KIAA0319L: variants seen among roughly 807,000 people sequenced by gnomAD.
The protein encoded by KIAA0319L is KIAA0319 like.
Under a neutral mutation model 120.1 loss-of-function variants are expected in KIAA0319L, and 55 were observed. The ratio of observed to expected loss-of-function variants is 0.46; its 90% CI spans 0.37 to 0.57. The LOEUF (loss-of-function observed/expected upper bound fraction) is 0.57. Ranked by LOEUF, KIAA0319L falls within the 20% of genes least tolerant of loss-of-function variation. The pLI is 0.00. For missense variants in KIAA0319L, 1,049 were observed against 1,255.3 expected (o/e 0.84, Z 2.48); for synonymous variants, 398 against 471.9 (o/e 0.84, Z 2.03).
chr1:35,527,091 T>G (rs1646176959), intron 2 of KIAA0319L, among the ~76,000 whole-genome samples: 1 of 152,150 alleles, frequency 6.6e-6, no homozygotes, highest in Non-Finnish European at 1.5e-5. Context: ...AAAGCATTTG[T>G]GGAAACAAAG....
At chr1:35,449,099 G>T (rs951939727) in intron 15 of KIAA0319L, among the ~76,000 whole-genome samples, 1 of 152,184 alleles carries the variant, frequency 6.6e-6, no homozygotes, top group African/African-American at 2.4e-5. Context: ...ACACCAAAGA[G>T]ATTTTATAGT....
intron 3 of KIAA0319L, among the ~76,000 whole-genome samples, chr1:35,495,523 G>A (rs1235200812): frequency 6.6e-6 from 1 of 152,144 alleles, no homozygotes; most frequent in Non-Finnish European, 1.5e-5. Flanking sequence ...ACTGCTAAGA[G>A]AATGAAAAGA....
intron 4 of KIAA0319L, 68 bp downstream of exon 4, chr1:35,478,898 T>A (rs998638376): frequency 1.9e-6 from 3 of 1,548,058 alleles, no homozygotes; most frequent in African/African-American, 1.4e-5. Context: ...CCTTCTTTCC[T>A]CTAAAAGGGA....
chr1:35,467,221 G>A (rs567711209), intron 6 of KIAA0319L, among the ~76,000 whole-genome samples: 2 of 151,852 alleles, frequency 1.3e-5, no homozygotes, highest in South Asian at 2.1e-4. Context: ...TTAAGGGCCC[G>A]AATATCCCAC....
intron 12 of KIAA0319L, 53 bp from the exon 13 acceptor site, chr1:35,451,829 TC>T: frequency 6.3e-7 from 1 of 1,575,526 alleles, no homozygotes; most frequent in Non-Finnish European, 8.7e-7. Flanking sequence ...TGCTGTCCTG[TC>T]CCTAACTTAG....
At chr1:35,540,933 A>C (rs148180385) in intron 2 of KIAA0319L, among the ~76,000 whole-genome samples, 1 of 151,954 alleles carries the variant, frequency 6.6e-6, no homozygotes, top group African/African-American at 2.4e-5. Context: ...TTGCTCACCA[A>C]TGTATTAATT....
chr1:35,477,406 G>A (rs932056570), intron 4 of KIAA0319L, among the ~76,000 whole-genome samples: 1 of 152,124 alleles, frequency 6.6e-6, no homozygotes, highest in African/African-American at 2.4e-5. Flanking sequence ...GGTGGCTCAC[G>A]CCTGTAATCC....
Position 35,460,323 on chromosome 1 carries a change from G to T in KIAA0319L, c.1409C>A (p.Pro470His). The change falls in exon 9 of 21, where the codon CCT becomes CAT. Residue 470 changes from proline to histidine, a missense_variant. Physicochemically the swap from Pro to His is moderately conservative, Grantham distance 77. Coordinates refer to ENST00000325722, the MANE Select transcript of KIAA0319L (RefSeq NM_024874.5). ...TAILKLSKLV[P>H]GNYTFSLTVV... ...AATTTACCTGAAAGTGTAGTTCCCA[G>T]GGACGAGTTTACTTAGTTTTAATAT... is the stretch of plus-strand genomic sequence containing the variant. 6.2e-7 allele frequency: 1 copy of T among 1,612,522 alleles called. No individual in the cohort carries two copies. Among genetic ancestry groups the T allele is most frequent in the Non-Finnish European group, 8.5e-7 (1 of 1,179,470 alleles).
intron 4 of KIAA0319L, among the ~76,000 whole-genome samples, chr1:35,476,448 C>A (rs927534173): frequency 8.5e-5 from 13 of 152,230 alleles, no homozygotes; most frequent in African/African-American, 2.9e-4. Flanking sequence ...GCCTGGGAGG[C>A]GAGAAGGGCT....
intron 3 of KIAA0319L, among the ~76,000 whole-genome samples, chr1:35,491,094 T>A (rs976009707): frequency 1.3e-5 from 2 of 152,180 alleles, no homozygotes; most frequent in African/African-American, 2.4e-5. Context: ...AACAGACTAA[T>A]GCAATACTGT....
At position 35,508,402 on chromosome 1, in the gene KIAA0319L, G is replaced by T. The variant is rs565143382; in HGVS notation, c.143-1267C>A. On this transcript the variant is annotated intron_variant, in intron 2 of 20. Coordinates refer to ENST00000325722, the MANE Select transcript of KIAA0319L (RefSeq NM_024874.5). The stretch of plus-strand genomic sequence containing the variant: ...CTCTAACGAAAGCAACTGACAATCA[G>T]CCAAAGCCAATCTGACTCCCACGGA... Among the ~76,000 whole-genome samples, 4 of 152,234 alleles carry T rather than the reference G, an allele frequency of 2.6e-5. No homozygotes were observed. The South Asian group carries it at 8.3e-4, about 32-fold the overall frequency.
intron 3 of KIAA0319L, among the ~76,000 whole-genome samples, chr1:35,492,395 T>A (rs6670212): frequency 0.017 from 2,518 of 152,112 alleles, 69 homozygotes; most frequent in African/African-American, 0.057. Flanking sequence ...GCGCCTGTAG[T>A]CCCAGCTACT....
Position 35,476,300 on chromosome 1 carries a change from A to T in KIAA0319L, c.914-1394T>A, listed in dbSNP as rs141623368. Among the ~76,000 whole-genome samples the T allele has an allele frequency of 2.0e-5, 3 of 152,276 alleles. No homozygotes were observed. The East Asian group carries it at 5.8e-4, about 29-fold the overall frequency. ...TCAGTAGCATCACTCCCCTCCCCCA[A>T]CTAAAAATGTTTGCAGACCACTGAA... On this transcript the variant is annotated intron_variant, in intron 4 of 20. Transcript: ENST00000325722.
intron 3 of KIAA0319L, among the ~76,000 whole-genome samples, chr1:35,494,461 A>C (rs1445500040): frequency 6.6e-6 from 1 of 151,904 alleles, no homozygotes; most frequent in Non-Finnish European, 1.5e-5. Context: ...AAAATAAATA[A>C]ATAAAAATAA....
intron 9 of KIAA0319L, among the ~76,000 whole-genome samples, chr1:35,458,644 C>T (rs1177565986): frequency 6.6e-6 from 1 of 152,138 alleles, no homozygotes; most frequent in African/African-American, 2.4e-5. Flanking sequence ...GCCAAAATTT[C>T]CTAATCTGTA....
chr1:35,452,083 A>C (rs1642106532), intron 12 of KIAA0319L, among the ~76,000 whole-genome samples: 1 of 152,240 alleles, frequency 6.6e-6, no homozygotes. Flanking sequence ...TCTCTGAGCA[A>C]GTCTCTGATC....
chr1:35,479,249 G>T (rs1010976295), intron 3 of KIAA0319L, 37 bp from the exon 4 acceptor site: 2 of 1,566,018 alleles, frequency 1.3e-6, no homozygotes, highest in Admixed American at 3.5e-5. Flanking sequence ...GTAGGTAAAA[G>T]TTACATAATT....
chr1:35,466,655 C>T lies in KIAA0319L; in HGVS notation c.1154G>A (p.Gly385Asp), dbSNP rs1401080876. ...ATAGCCTTCCCCATGGGCATTTTGACCCTCTACAATCACTTTGAATTCATA... is the reference window on the plus strand; with the variant it reads ...ATAGCCTTCCCCATGGGCATTTTGATCCTCTACAATCACTTTGAATTCATA... ...GLYEFKVIVE[G>D]QNAHGEGYVN... The change falls in exon 7 of 21, where the codon GGT becomes GAT. Residue 385 changes from glycine to aspartate, a missense_variant. Transcript: ENST00000325722. 1 of 1,613,742 alleles carries T rather than the reference C, an allele frequency of 6.2e-7. No homozygotes were observed. The highest frequency in any genetic ancestry group is 1.7e-5 in the Admixed American group (1 of 60,022).
intron 20 of KIAA0319L, among the ~76,000 whole-genome samples, chr1:35,436,966 T>A (rs74731294): frequency 6.6e-6 from 1 of 152,204 alleles, no homozygotes; most frequent in Non-Finnish European, 1.5e-5. Flanking sequence ...CTAGTGACTC[T>A]ACTCTAGGCT....
Sources: gnomAD v4.1 joint callset for allele counts (sites outside exome capture counted in the v4.1 genomes callset) on GRCh38, gnomAD v4.1.1 for gene constraint, MANE v1.5 for transcripts, NCBI Gene and HGNC (gene_info 2026-07-23, HGNC 2026-07-21) for gene names.